Variants in NOL8 observed in about 807,000 individuals in gnomAD.
The protein encoded by NOL8 is nucleolar protein 8.
Under a neutral mutation model 116.1 loss-of-function variants are expected in NOL8, and 93 were observed. The ratio of observed to expected loss-of-function variants is 0.80; its 90% confidence interval spans 0.68 to 0.95. The LOEUF is 0.95. Among genes scored for constraint, NOL8 ranks in the 40% least tolerant of loss-of-function variants. The pLI is 0.00. For missense variants in NOL8, 1,291 were observed against 1,382.8 expected (o/e 0.93, Z 1.05); for synonymous variants, 419 against 469.0 (o/e 0.89, Z 1.38).
At chr9:92,318,542 G>A in intron 6 of NOL8, 76 bp downstream of exon 6, 11 of 1,016,178 alleles carry the variant, frequency 1.1e-5, no homozygotes, top group Non-Finnish European at 1.6e-5. Context: ...ACTGATAAGA[G>A]ACAGTGAAAT....
rs757526148 is a variant in NOL8 at position 92,318,709 on chromosome 9, A to C, written c.418-23T>G. ...ATTCTAAAAGAAAAAAAAAGAATTT[A>C]TTTACTATATGTGACACAAATGGAA... On this transcript the variant is annotated intron_variant, in intron 5 of 16. Transcript: ENST00000442668. The C allele has an allele frequency of 2.7e-6, 4 of 1,454,956 alleles. No individual in the cohort carries two copies. In the Admixed American group the frequency reaches 8.4e-5, roughly 31 times the overall value. 90.1% of individuals were successfully genotyped at this position (1,454,956 alleles called of 1,614,324 possible).
intron 15 of NOL8, 50 bp downstream of exon 15, chr9:92,298,834 G>T: frequency 9.4e-7 from 1 of 1,064,702 alleles, no homozygotes; most frequent in Non-Finnish European, 1.4e-6. Context: ...TACTGTAGCT[G>T]TATTATTACC....
chr9:92,307,670 C>T (rs1838398758), intron 10 of NOL8, among the ~76,000 whole-genome samples: 1 of 152,154 alleles, frequency 6.6e-6, no homozygotes, highest in Admixed American at 6.5e-5. Context: ...CAACTTACTG[C>T]AGGATATAAA....
chr9:92,316,000 C>G lies in NOL8; in HGVS notation c.625G>C (p.Glu209Gln). 6.2e-7 allele frequency: 1 copy of G among 1,613,990 alleles called. No individual in the cohort carries two copies. Among genetic ancestry groups the G allele is most frequent in the Non-Finnish European group, 8.5e-7 (1 of 1,179,888 alleles). The change falls in exon 7 of 17, where the codon GAG (glutamate) becomes CAG (glutamine). Residue 209 changes from glutamate (E) to glutamine (Q), a missense_variant. Coordinates refer to ENST00000442668, the MANE Select transcript of NOL8 (RefSeq NM_017948.6). ...NDPMSKKRRG[E>Q]FSDFHGPPKK... ...GGAGGGCCATGAAAGTCAGAGAACT[C>G]TCCTCGCCGTTTCTTACTCATAGGG...
chr9:92,318,577 G>A (rs555174833), intron 6 of NOL8, 41 bp downstream of exon 6: 50 of 1,335,912 alleles, frequency 3.7e-5, no homozygotes, highest in African/African-American at 3.4e-4. Flanking sequence ...ACAAGTATCC[G>A]TCACTGTGGT....
intron 12 of NOL8, among the ~76,000 whole-genome samples, chr9:92,302,215 G>A (rs1434588510): frequency 6.6e-6 from 1 of 152,062 alleles, no homozygotes; most frequent in African/African-American, 2.4e-5. Context: ...AAGATACTGG[G>A]AATTTTACCA....
chr9:92,312,790 G>A (rs1838942439), intron 7 of NOL8, among the ~76,000 whole-genome samples: 1 of 130,248 alleles, frequency 7.7e-6, no homozygotes, highest in Non-Finnish European at 1.5e-5. Flanking sequence ...TCACACCATT[G>A]TACTCCAGCC....
rs770979847 is a variant in NOL8, at chr9:92,314,892, C to T, written c.1733G>A (p.Cys578Tyr). 5.0e-5 allele frequency: 80 copies of T among 1,613,580 alleles called. No homozygotes were observed. Among genetic ancestry groups the T allele is most frequent in the Middle Eastern group, 4.9e-4 (3 of 6,084 alleles). ...TTTCATTGACTCCTTTTCATATAGA[C>T]AGCCTACTCCCTTGAAAGCCTGAAA... ...PKFQAFKGVGCLYEKESMKKS... is the reference protein window; with the variant it reads ...PKFQAFKGVGYLYEKESMKKS... Residue 578 changes from cysteine to tyrosine, a missense_variant, in exon 7 of 17, where the codon TGT (cysteine) becomes TAT (tyrosine). Physicochemically the swap from Cys to Tyr is radical, Grantham distance 194. Coordinates refer to ENST00000442668, the MANE Select transcript of NOL8 (RefSeq NM_017948.6).
chr9:92,312,124 C>G lies in NOL8; in HGVS notation c.2359-865G>C, dbSNP rs565786287. On this transcript the variant is annotated intron_variant, in intron 7 of 16. Coordinates refer to ENST00000442668, the MANE Select transcript of NOL8 (RefSeq NM_017948.6). ...AACAGAAAACCAAATACTGCATGCT[C>G]TCACTTATAAGTGGGAGCTAAATGT... Among the ~76,000 whole-genome samples, 10 of 152,270 alleles carry G rather than the reference C, an allele frequency of 6.6e-5. No homozygotes were observed. In the South Asian group the frequency reaches 1.5e-3, roughly 22 times the overall value.
chr9:92,322,381 G>A (rs1840000798), intron 3 of NOL8, among the ~76,000 whole-genome samples: 1 of 152,018 alleles, frequency 6.6e-6, no homozygotes, highest in African/African-American at 2.4e-5. Context: ...TTTTCTTTTT[G>A]AGACAGAGTG....
At position 92,302,978 on chromosome 9, in the gene NOL8, G is replaced by GCATT. The variant is rs1431934543; in HGVS notation, c.2904-1160_2904-1157dup. ...AGAAAGTTTAGCAACACTGTCAACT[G>GCATT]CATTGTGTGTACTGTGGAAAATGGA... is the stretch of plus-strand genomic sequence containing the variant. On this transcript the variant is annotated intron_variant, in intron 12 of 16. Coordinates refer to ENST00000442668, the MANE Select transcript of NOL8 (RefSeq NM_017948.6). Among the ~76,000 whole-genome samples the GCATT allele has an allele frequency of 3.3e-5, 5 of 152,308 alleles. 1 individual carries two copies. Among genetic ancestry groups the GCATT allele is most frequent in the Middle Eastern group, 6.8e-3 (2 of 294 alleles).
Position 92,297,577 on chromosome 9 carries a change from T to C in NOL8, c.*259A>G. 2.4e-6 allele frequency: 1 copy of C among 420,842 alleles called. No individual in the cohort carries two copies. The highest frequency in any genetic ancestry group is 4.2e-6 in the Non-Finnish European group (1 of 235,980). The allele number at this position is 420,842 out of a possible 1,614,324, so 26.1% of individuals were successfully genotyped here. A position where few individuals can be genotyped will look rare whatever the true frequency, so the allele number is the denominator to read the frequency against. ...TTACTCAGGATAGAGGGCAAAGAGA[T>C]TATATACAAAAAGTATTTTCAAGGA... On this transcript the variant is annotated 3_prime_UTR_variant, in exon 17 of 17. Coordinates refer to ENST00000442668, the MANE Select transcript of NOL8 (RefSeq NM_017948.6).
chr9:92,310,175 C>G lies in NOL8; in HGVS notation c.2682G>C (p.Gln894His). The part of the protein sequence containing the change: ...RFLETDSEEE[Q>H]EEVNEKKTAE... ...TCTGGACAATGAAGCATTTACCTTCCTGTTCCTCTTCACTGTCAGTTTCTA... is the reference window on the plus strand; with the variant it reads ...TCTGGACAATGAAGCATTTACCTTCGTGTTCCTCTTCACTGTCAGTTTCTA... Residue 894 changes from glutamine (Q) to histidine (H), a missense_variant, in exon 10 of 17, where the codon CAG (glutamine) becomes CAC (histidine). Transcript: ENST00000442668. 2 of 1,602,868 alleles carry G rather than the reference C, an allele frequency of 1.2e-6. No homozygotes were observed. Among genetic ancestry groups the G allele is most frequent in the Non-Finnish European group, 1.7e-6 (2 of 1,174,202 alleles).
Position 92,314,764 on chromosome 9 carries a change from T to C in NOL8, c.1861A>G (p.Asn621Asp). ...GGAGTCACTTCACCTAATGAGCCAT[T>C]AACATATGGGGACCCATCTTCCATG... ...ISMEDGSPYV[N>D]GSLGEVTPCQ... The change falls in exon 7 of 17, where the codon AAT becomes GAT. Residue 621 changes from asparagine (N) to aspartate (D), a missense_variant. Asn to Asp is a conservative substitution (Grantham distance 23, BLOSUM62 1). Coordinates refer to ENST00000442668, the MANE Select transcript of NOL8 (RefSeq NM_017948.6). 1.2e-6 allele frequency: 2 copies of C among 1,613,876 alleles called. No homozygotes were observed. The highest frequency in any genetic ancestry group is 1.7e-6 in the Non-Finnish European group (2 of 1,179,854).
rs772724989 is a variant in NOL8, at chr9:92,301,743, T to C, written c.2983A>G (p.Met995Val). 6.2e-7 allele frequency: 1 copy of C among 1,604,772 alleles called. No homozygotes were observed. The highest frequency in any genetic ancestry group is 1.7e-5 in the Admixed American group (1 of 58,174). The part of the protein sequence containing the change: ...VSKEMYYNIA[M>V]DLKEIFQTTK... ...GTTTGGAATATTTCTTTCAGATCCA[T>C]AGCAATATTATAATACATTTCTTTA... Residue 995 changes from methionine (M) to valine (V), a missense_variant, in exon 13 of 17, where the codon ATG becomes GTG. Physicochemically the swap from Met to Val is conservative, Grantham distance 21 (BLOSUM62 1). Transcript: ENST00000442668.
chr9:92,300,214 T>A (rs1017335555), intron 13 of NOL8, 198 bp from the exon 14 acceptor site: 5 of 1,235,212 alleles, frequency 4.0e-6, no homozygotes, highest in Non-Finnish European at 5.1e-6. Flanking sequence ...GCCACTATCA[T>A]AATTTTGGCA....
rs200678914 is a variant in NOL8 at position 92,324,095 on chromosome 9, C to T, written c.67G>A (p.Asp23Asn). 3 of 1,614,052 alleles carry T rather than the reference C, an allele frequency of 1.9e-6. No individual in the cohort carries two copies. The East Asian group carries it at 6.7e-5, about 36-fold the overall frequency. Residue 23 changes from aspartate (D) to asparagine (N), a missense_variant, in exon 2 of 17, where the codon GAC (aspartate) becomes AAC (asparagine). By Grantham distance (23) the Asp-to-Asn change is conservative (BLOSUM62 1). Coordinates refer to ENST00000442668, the MANE Select transcript of NOL8 (RefSeq NM_017948.6). ...AATCTGCTGAACTGATTTTGTAGGT[C>T]TGCCTCAGAAATGTCCTGGCTAAGG... ...GGLSQDISEA[D>N]LQNQFSRFGE... is the part of the protein sequence containing the mutation.
In NOL8 at chr9:92,315,335, T is replaced by C; in HGVS notation, c.1290A>G (p.Arg430=). The C allele has an allele frequency of 6.2e-7, 1 of 1,613,382 alleles. No individual in the cohort carries two copies. The highest frequency in any genetic ancestry group is 1.1e-5 in the South Asian group (1 of 90,976). Residue 430 remains arginine (R), a synonymous_variant, in exon 7 of 17, where the codon AGA becomes AGG. Coordinates refer to ENST00000442668, the MANE Select transcript of NOL8 (RefSeq NM_017948.6). ...LSDHCIKLQK[R]KSNVESALSH... ...TGAGGGCTGACTCTACATTGCTTTT[T>C]CTTTTTTGTAGTTTAATACAGTGAT...
chr9:92,314,574 A>T lies in NOL8; in HGVS notation c.2051T>A (p.Leu684His). Residue 684 changes from leucine to histidine, a missense_variant, in exon 7 of 17, where the codon CTT becomes CAT. By Grantham distance (99) the Leu-to-His change is moderately conservative. Coordinates refer to ENST00000442668, the MANE Select transcript of NOL8 (RefSeq NM_017948.6). ...RPLEGKKSLS[L>H]SAKTHNIGFD... ...GCCTATGTTGTGAGTCTTTGCACTA[A>T]GACTTAAGGACTTCTTACCTTCTAA... 1 of 1,613,112 alleles carries T rather than the reference A, an allele frequency of 6.2e-7. No individual in the cohort carries two copies. The highest frequency in any genetic ancestry group is 1.3e-5 in the African/African-American group (1 of 75,036).
Sources: gnomAD v4.1 joint callset for allele counts (sites outside exome capture counted in the v4.1 genomes callset) on GRCh38, gnomAD v4.1.1 for gene constraint, MANE v1.5 for transcripts, NCBI Gene and HGNC (gene_info 2026-07-23, HGNC 2026-07-21) for gene names.